The following ICAM1 variants were observed in gnomAD, a reference collection of about 807,000 sequenced individuals.
ICAM1 encodes the protein ICAM-1.
Under a neutral mutation model 42.3 loss-of-function variants are expected in ICAM1, and 28 were observed. The ratio of observed to expected loss-of-function variants is 0.66; its 90% CI spans 0.49 to 0.91. The LOEUF is 0.91. ICAM1 is among the 40% of genes least tolerant of loss of function. The probability of loss-of-function intolerance (pLI) is 0.00; values close to 1 mark genes in which losing one functional copy is unlikely to be tolerated. For synonymous variants in ICAM1, 304 were observed against 305.9 expected (o/e 0.99, Z 0.07); for missense variants, 637 against 688.6 (o/e 0.93, Z 0.84).
intron 2 of ICAM1, among the ~76,000 whole-genome samples, chr19:10,278,074 G>C (rs1195054856): frequency 6.6e-6 from 1 of 152,134 alleles, no homozygotes. Flanking sequence ...TGGCATACTA[G>C]TAGTCCCAGC....
Position 10,284,297 on chromosome 19 carries a change from C to G in ICAM1, c.902C>G (p.Thr301Arg), listed in dbSNP as rs2040085329. 2 of 1,613,732 alleles carry G rather than the reference C, an allele frequency of 1.2e-6. No individual in the cohort carries two copies. The highest frequency in any genetic ancestry group is 2.2e-5 in the South Asian group (2 of 91,078). Residue 301 changes from threonine (T) to arginine (R), a missense_variant, in exon 4 of 7, where the codon ACA (threonine) becomes AGA (arginine). Transcript: ENST00000264832. The surrounding 1 kb of genome is among the most constrained non-coding windows in gnomAD (Gnocchi z 5.4). ...AVILGNQSQE[T>R]LQTVTIYSFP... ...ATACTGGGGAACCAGAGCCAGGAGA[C>G]ACTGCAGACAGTGACCATCTACAGT...
rs1020937092 is a variant in ICAM1, at chr19:10,281,038, T to A, written c.332-2443T>A. Among the ~76,000 whole-genome samples the A allele has an allele frequency of 1.6e-5, 2 of 128,050 alleles. 1 individual carries two copies. The highest frequency in any genetic ancestry group is 5.8e-5 in the African/African-American group (2 of 34,754). The allele number at this position is 128,050 out of a possible 152,430, so 84.0% of individuals were successfully genotyped here. On this transcript the variant is annotated intron_variant, in intron 2 of 6. Transcript: ENST00000264832. The stretch of plus-strand genomic sequence containing the variant: ...ACAGGCGCCCACCACCACGCCTGGC[T>A]AATTTTTTGTATTTTTAGTAGAGAC...
Position 10,271,207 on chromosome 19 carries a change from G to C in ICAM1, c.48G>C (p.Leu16=). The C allele has an allele frequency of 6.2e-7, 1 of 1,613,382 alleles. No homozygotes were observed. The highest frequency in any genetic ancestry group is 8.5e-7 in the Non-Finnish European group (1 of 1,179,816). The change falls in exon 1 of 7, where the codon CTG becomes CTC. Residue 16 remains leucine, a synonymous_variant. Transcript: ENST00000264832. The part of the protein sequence containing the change: ...PRPALPALLV[L]LGALFPGPGN... ...CCGCGCTGCCCGCACTCCTGGTCCT[G>C]CTCGGGGCTCTGTTCCCAGGTGAGT...
chr19:10,281,799 A>T (rs958364512), intron 2 of ICAM1, among the ~76,000 whole-genome samples: 1 of 143,268 alleles, frequency 7.0e-6, no homozygotes, highest in African/African-American at 2.6e-5. Flanking sequence ...GCGCGATCTC[A>T]GTTCACTGCA....
chr19:10,284,867 G>C lies in ICAM1; in HGVS notation c.1265G>C (p.Trp422Ser), dbSNP rs905083025. 15 of 1,595,670 alleles carry C rather than the reference G, an allele frequency of 9.4e-6. No individual in the cohort carries two copies. Among genetic ancestry groups the C allele is most frequent in the African/African-American group, 5.4e-5 (4 of 73,700 alleles). ...CAGCAGACTCCAATGTGCCAGGCTT[G>C]GGGGAACCCATTGCCCGAGCTCAAG... The part of the protein sequence containing the change: ...NSQQTPMCQA[W>S]GNPLPELKCL... The change falls in exon 6 of 7, where the codon TGG becomes TCG. Residue 422 changes from tryptophan (W) to serine (S), a missense_variant. By Grantham distance (177) the Trp-to-Ser change is radical (BLOSUM62 -3). Transcript: ENST00000264832. This position sits in a 1 kb window ranked among gnomAD's most constrained non-coding sequence, Gnocchi z 5.4.
intron 2 of ICAM1, among the ~76,000 whole-genome samples, chr19:10,277,687 C>G (rs914379061): frequency 2.6e-5 from 4 of 151,868 alleles, no homozygotes; most frequent in African/African-American, 4.8e-5. Flanking sequence ...GGGATTTCAT[C>G]ATGTTGGCCA....
At chr19:10,281,369 G>T (rs554893206) in intron 2 of ICAM1, among the ~76,000 whole-genome samples, 3 of 148,792 alleles carry the variant, frequency 2.0e-5, no homozygotes, top group African/African-American at 5.0e-5. Context: ...AAATGACCCC[G>T]CCTTGGCATC....
Position 10,271,152 on chromosome 19 carries a change from G to A in ICAM1, c.-8G>A, listed in dbSNP as rs1393267353. On this transcript the variant is annotated 5_prime_UTR_variant, in exon 1 of 7. Coordinates refer to ENST00000264832, the MANE Select transcript of ICAM1 (RefSeq NM_000201.3). The stretch of plus-strand genomic sequence containing the variant: ...TCTGCTACTCAGAGTTGCAACCTCA[G>A]CCTCGCTATGGCTCCCAGCAGCCCC... 12 of 1,612,518 alleles carry A rather than the reference G, an allele frequency of 7.4e-6. No individual in the cohort carries two copies. The highest frequency in any genetic ancestry group is 1.0e-5 in the Non-Finnish European group (12 of 1,179,642).
chr19:10,284,393 C>T lies in ICAM1; in HGVS notation c.926-10C>T. ...AACCCGGGGCGGGGCTCACTGTGTG[C>T]CTATTCCAGGCTTTCCGGCGCCCAA... On this transcript the variant is annotated splice_polypyrimidine_tract_variant and intron_variant, in intron 4 of 6. Coordinates refer to ENST00000264832, the MANE Select transcript of ICAM1 (RefSeq NM_000201.3). The surrounding 1 kb of genome is among the most constrained non-coding windows in gnomAD (Gnocchi z 5.4). 6 of 1,612,540 alleles carry T rather than the reference C, an allele frequency of 3.7e-6. No homozygotes were observed. Among genetic ancestry groups the T allele is most frequent in the Non-Finnish European group, 5.1e-6 (6 of 1,179,984 alleles).
chr19:10,283,952 G>T, intron 3 of ICAM1, 81 bp from the exon 4 acceptor site: 1 of 1,512,390 alleles, frequency 6.6e-7, no homozygotes, highest in Non-Finnish European at 9.0e-7. Flanking sequence ...AGAGGATCTC[G>T]CAGGAGGGGG....
At chr19:10,272,375 C>G (rs1838301319) in intron 1 of ICAM1, among the ~76,000 whole-genome samples, 1 of 151,998 alleles carries the variant, frequency 6.6e-6, no homozygotes, top group Non-Finnish European at 1.5e-5. Flanking sequence ...GGGAATGGTC[C>G]CAGAATCTCC....
Position 10,271,189 on chromosome 19 carries a change from G to T in ICAM1, c.30G>T (p.Leu10=), listed in dbSNP as rs369677298. Residue 10 remains leucine, a synonymous_variant, in exon 1 of 7, where the codon CTG becomes CTT. Coordinates refer to ENST00000264832, the MANE Select transcript of ICAM1 (RefSeq NM_000201.3). MAPSSPRPA[L]PALLVLLGAL... is the part of the protein sequence containing the mutation. ...CTCCCAGCAGCCCCCGGCCCGCGCT[G>T]CCCGCACTCCTGGTCCTGCTCGGGG... 2.0e-5 allele frequency: 32 copies of T among 1,613,220 alleles called. No homozygotes were observed. Among genetic ancestry groups the T allele is most frequent in the Non-Finnish European group, 2.6e-5 (31 of 1,179,828 alleles).
chr19:10,284,989 C>T lies in ICAM1; in HGVS notation c.1387C>T (p.Gln463Ter). 6.2e-7 allele frequency: 1 copy of T among 1,613,272 alleles called. No individual in the cohort carries two copies. Among genetic ancestry groups the T allele is most frequent in the Non-Finnish European group, 8.5e-7 (1 of 1,179,660 alleles). ...GTYLCRARST[Q>*]GEVTRKVTVN... ...CTACCTCTGTCGGGCCAGGAGCACTCAAGGGGAGGTCACCCGCAAGGTGAC... is the reference window on the plus strand; with the variant it reads ...CTACCTCTGTCGGGCCAGGAGCACTTAAGGGGAGGTCACCCGCAAGGTGAC... Residue 463 changes from glutamine to a stop codon, truncating the protein, a stop_gained, in exon 6 of 7, where the codon CAA becomes TAA. Coordinates refer to ENST00000264832, the MANE Select transcript of ICAM1 (RefSeq NM_000201.3). LOFTEE classifies it low-confidence loss of function (END_TRUNC). This position sits in a 1 kb window ranked among gnomAD's most constrained non-coding sequence, Gnocchi z 5.4.
chr19:10,277,475 G>T (rs1348314933), intron 2 of ICAM1, among the ~76,000 whole-genome samples: 1 of 149,600 alleles, frequency 6.7e-6, no homozygotes, highest in Non-Finnish European at 1.5e-5. Flanking sequence ...ACTTTGCCTG[G>T]CTGAGAATTC....
chr19:10,272,143 G>T (rs990387264), intron 1 of ICAM1, among the ~76,000 whole-genome samples: 5 of 152,130 alleles, frequency 3.3e-5, no homozygotes, highest in African/African-American at 1.2e-4. Context: ...AAAATTAGCT[G>T]GCATGGTGGT....
chr19:10,275,564 CTT>C (rs1482178818), intron 2 of ICAM1, among the ~76,000 whole-genome samples: 1 of 152,154 alleles, frequency 6.6e-6, no homozygotes, highest in African/African-American at 2.4e-5. Context: ...GCTTCAGACA[CTT>C]TAATAAAAGA....
In ICAM1 at chr19:10,284,634, A is replaced by G; in HGVS notation, c.1157A>G (p.Gln386Arg). ...GCCGGCCAGCTTATACACAAGAACC[A>G]GACCCGGGAGCTTCGTGTCCTGTGT... ...EVAGQLIHKNQTRELRVLYGP... is the reference protein window; with the variant it reads ...EVAGQLIHKNRTRELRVLYGP... The change falls in exon 5 of 7, where the codon CAG becomes CGG. Residue 386 changes from glutamine (Q) to arginine (R), a missense_variant. Coordinates refer to ENST00000264832, the MANE Select transcript of ICAM1 (RefSeq NM_000201.3). The surrounding 1 kb of genome is among the most constrained non-coding windows in gnomAD (Gnocchi z 5.4). 1.2e-6 allele frequency: 2 copies of G among 1,614,116 alleles called. No homozygotes were observed. The highest frequency in any genetic ancestry group is 1.7e-6 in the Non-Finnish European group (2 of 1,179,990).
chr19:10,278,565 T>TTTTTTG (rs2040033110), intron 2 of ICAM1, among the ~76,000 whole-genome samples: 1 of 104,822 alleles, frequency 9.5e-6, no homozygotes, highest in Non-Finnish European at 2.0e-5. Context: ...TTTTTTTTTT[T>TTTTTTG]TTTTTTCTTT....
rs751835348 is a variant in ICAM1, at chr19:10,274,761, C to T, written c.68-4C>T. ...CCTGTCGCCTCTTCCCTCGTTTCTT[C>T]TAGGACCTGGCAATGCCCAGACATC... On this transcript the variant is annotated splice_polypyrimidine_tract_variant and splice_region_variant and intron_variant, in intron 1 of 6. Transcript: ENST00000264832. The T allele has an allele frequency of 6.2e-7, 1 of 1,611,766 alleles. No homozygotes were observed. The highest frequency in any genetic ancestry group is 1.7e-5 in the Admixed American group (1 of 59,942).
Sources: gnomAD v4.1 joint callset for allele counts (sites outside exome capture counted in the v4.1 genomes callset) on GRCh38, gnomAD v4.1.1 for gene constraint, Gnocchi (gnomAD v3.1) non-coding constraint, MANE v1.5 for transcripts, NCBI Gene and HGNC (gene_info 2026-07-23, HGNC 2026-07-21) for gene names.